Variants in SLC35D4 observed in about 807,000 individuals in gnomAD.
SLC35D4 encodes UDP-N-acetylglucosamine transporter SLC35D4.
At chr18:23,271,455 G>A in the SLC35D4 span, among the ~76,000 whole-genome samples, 2 of 152,234 alleles carry the variant, frequency 1.3e-5, no homozygotes, top group African/African-American at 4.8e-5. Context: ...GAAAGCCTGT[G>A]AGGGATCCTC....
the SLC35D4 span, chr18:23,352,369 CCAAT>C: frequency 8.9e-7 from 1 of 1,123,990 alleles, no homozygotes; most frequent in Non-Finnish European, 1.3e-6. Context: ...CTACATTTTA[CCAAT>C]CAATTTCAAA....
the SLC35D4 span, among the ~76,000 whole-genome samples, chr18:23,340,479 T>G: frequency 1.3e-5 from 2 of 152,168 alleles, no homozygotes; most frequent in South Asian, 4.1e-4. Flanking sequence ...AGGTGCTTGT[T>G]CACACTCAGG....
chr18:23,309,737 G>A, the SLC35D4 span: 1 of 1,614,060 alleles, frequency 6.2e-7, no homozygotes, highest in East Asian at 2.2e-5. Context: ...TAAGCCAGCT[G>A]TGATTATCTG....
chr18:23,421,779 C>T, the SLC35D4 span, among the ~76,000 whole-genome samples: 2 of 150,934 alleles, frequency 1.3e-5, no homozygotes, highest in Non-Finnish European at 2.9e-5. Context: ...CAGGTTCAAG[C>T]GATTCTCCTG....
chr18:23,245,146 GC>G, the SLC35D4 span, among the ~76,000 whole-genome samples: 1 of 152,170 alleles, frequency 6.6e-6, no homozygotes, highest in African/African-American at 2.4e-5. Flanking sequence ...CCAGGATGGG[GC>G]CCAAGTTCAG....
chr18:23,352,079 G>C, the SLC35D4 span: 2 of 758,056 alleles, frequency 2.6e-6, no homozygotes, highest in African/African-American at 3.6e-5. Context: ...ATCAGGCTCA[G>C]GGACAGCGCC....
the SLC35D4 span, among the ~76,000 whole-genome samples, chr18:23,252,188 G>A: frequency 2.0e-5 from 3 of 152,322 alleles, no homozygotes; most frequent in Admixed American, 1.3e-4. Flanking sequence ...GACATAAAGT[G>A]GAGTAGTGGT....
the SLC35D4 span, among the ~76,000 whole-genome samples, chr18:23,390,948 G>A: frequency 4.2e-4 from 64 of 152,166 alleles, no homozygotes; most frequent in Admixed American, 3.3e-3. Context: ...TTCCTAGGCC[G>A]GGTGCAGTGG....
chr18:23,363,364 ATTTTTTT>A, the SLC35D4 span, among the ~76,000 whole-genome samples: 1,074 of 90,178 alleles, frequency 0.012, 4 homozygotes, highest in African/African-American at 0.049. Context: ...ACAAAAGCAC[ATTTTTTT>A]TTTTTTTTTT....
At chr18:23,247,367 C>T in the SLC35D4 span, among the ~76,000 whole-genome samples, 1 of 152,240 alleles carries the variant, frequency 6.6e-6, no homozygotes. Flanking sequence ...TCAGAGTGAT[C>T]CGTCCAGTTT....
At chr18:23,421,506 C>A in the SLC35D4 span, 1 of 1,485,290 alleles carries the variant, frequency 6.7e-7, no homozygotes, top group South Asian at 1.1e-5. Flanking sequence ...CACCATCCAG[C>A]CCCAGCAGAT....
chr18:23,377,084 G>A, the SLC35D4 span: 23 of 420,692 alleles, frequency 5.5e-5, no homozygotes, highest in Non-Finnish European at 8.6e-5. Flanking sequence ...CAGAGGAAGC[G>A]GGAAGCAGTC....
the SLC35D4 span, among the ~76,000 whole-genome samples, chr18:23,418,571 T>C: frequency 6.6e-6 from 1 of 151,524 alleles, no homozygotes; most frequent in South Asian, 2.1e-4. Context: ...GCTGGTCACC[T>C]CAAGTGATCT....
the SLC35D4 span, chr18:23,253,125 G>A: frequency 8.4e-3 from 7,869 of 941,764 alleles, 181 homozygotes; most frequent in African/African-American, 0.057. Context: ...TCCACACACC[G>A]TAAGCTTGTC....
At chr18:23,279,046 G>C in the SLC35D4 span, among the ~76,000 whole-genome samples, 2 of 151,776 alleles carry the variant, frequency 1.3e-5, no homozygotes, top group African/African-American at 4.8e-5. Context: ...AAGAAGAAAA[G>C]GAGAAAGGGT....
chr18:23,301,575 G>A, the SLC35D4 span, among the ~76,000 whole-genome samples: 1 of 152,198 alleles, frequency 6.6e-6, no homozygotes, highest in South Asian at 2.1e-4. Flanking sequence ...GATAAACAGC[G>A]ATCAATGGCA....
At chr18:23,254,357 G>C in the SLC35D4 span, among the ~76,000 whole-genome samples, 1 of 152,210 alleles carries the variant, frequency 6.6e-6, no homozygotes, top group Non-Finnish European at 1.5e-5. Context: ...GTTTGACAAG[G>C]TGGTATCTCT....
the SLC35D4 span, among the ~76,000 whole-genome samples, chr18:23,329,905 C>T: frequency 1.1e-4 from 16 of 152,084 alleles, no homozygotes; most frequent in Non-Finnish European, 1.5e-4. Context: ...GTCCTTTGCA[C>T]GACATGGATG....
At chr18:23,275,050 GTGTT>G in the SLC35D4 span, among the ~76,000 whole-genome samples, 311 of 53,216 alleles carry the variant, frequency 5.8e-3, 1 homozygote, top group South Asian at 0.018. Flanking sequence ...GTGTGTGAGT[GTGTT>G]TGTGTAGGTG....
Sources: gnomAD v4.1 joint callset for allele counts (sites outside exome capture counted in the v4.1 genomes callset) on GRCh38, gnomAD v4.1.1 for gene constraint, MANE v1.5 for transcripts, NCBI Gene and HGNC (gene_info 2026-07-23, HGNC 2026-07-21) for gene names.